Variants in LRRTM4 observed in about 807,000 individuals in gnomAD.
LRRTM4 encodes leucine rich repeat transmembrane neuronal 4.
In LRRTM4, 25 loss-of-function variants were observed where a neutral mutation model predicts 47.6. That is an observed-to-expected ratio of 0.53 (90% confidence interval 0.38 to 0.73). LRRTM4 has a LOEUF of 0.73. Ranked by LOEUF, LRRTM4 falls within the 30% of genes least tolerant of loss-of-function variation. The probability of loss-of-function intolerance (pLI) is 0.00; values close to 1 mark genes in which losing one functional copy is unlikely to be tolerated. For synonymous variants in LRRTM4, 311 were observed against 269.5 expected, an observed-to-expected ratio of 1.15 and a Z score of -1.51; for missense variants, 638 against 713.4, an observed-to-expected ratio of 0.89 and a Z score of 1.20.
chr2:76,870,760 T>C (rs890561140), intron 3 of LRRTM4, among the ~76,000 whole-genome samples: 16 of 152,190 alleles, frequency 1.1e-4, no homozygotes, highest in African/African-American at 3.9e-4. Context: ...CAATATTATT[T>C]GTAATGCCAT....
intron 3 of LRRTM4, among the ~76,000 whole-genome samples, chr2:77,033,195 A>G (rs1229743739): frequency 6.6e-6 from 1 of 152,050 alleles, no homozygotes. Flanking sequence ...ATTGTAATCT[A>G]TTCAGTATTT....
At chr2:76,805,561 C>G (rs1558665915) in intron 3 of LRRTM4, among the ~76,000 whole-genome samples, 1 of 152,076 alleles carries the variant, frequency 6.6e-6, no homozygotes, top group Non-Finnish European at 1.5e-5. Flanking sequence ...ATTAAATTCT[C>G]CTTCTACCAG....
intron 3 of LRRTM4, among the ~76,000 whole-genome samples, chr2:77,392,820 A>G (rs1673555011): frequency 6.6e-6 from 1 of 152,054 alleles, no homozygotes; most frequent in African/African-American, 2.4e-5. Context: ...GACTAATAGC[A>G]TAGCTAATAA....
chr2:76,969,844 G>A (rs1676158965), intron 3 of LRRTM4, among the ~76,000 whole-genome samples: 1 of 151,998 alleles, frequency 6.6e-6, no homozygotes, highest in East Asian at 1.9e-4. Flanking sequence ...TTTTCTTAGG[G>A]AGAAAATAAA....
rs191742935 is a variant in LRRTM4 at position 77,345,619 on chromosome 2, A to G, written c.1551+172699T>C. On this transcript the variant is annotated intron_variant, in intron 3 of 3. Transcript: ENST00000409884. ...AATGACATACTACTGTTATACATGTAGTAGGATGAAACAACAACAATCACC... is the reference window on the plus strand; with the variant it reads ...AATGACATACTACTGTTATACATGTGGTAGGATGAAACAACAACAATCACC... Among the ~76,000 whole-genome samples the G allele has an allele frequency of 1.3e-4, 20 of 152,162 alleles. 1 individual carries two copies. In the East Asian group the frequency reaches 3.7e-3, roughly 28 times the overall value.
chr2:77,470,790 C>T (rs970681693), intron 3 of LRRTM4, among the ~76,000 whole-genome samples: 1 of 152,114 alleles, frequency 6.6e-6, no homozygotes, highest in Non-Finnish European at 1.5e-5. Flanking sequence ...CTGCACCTTT[C>T]CATTTAGATT....
At chr2:77,141,782 C>CCA (rs1672130196) in intron 3 of LRRTM4, among the ~76,000 whole-genome samples, 1 of 152,080 alleles carries the variant, frequency 6.6e-6, no homozygotes, top group South Asian at 2.1e-4. Context: ...TTTTTGACCA[C>CCA]TATATATATC....
At chr2:76,824,604 T>G (rs766290671) in intron 3 of LRRTM4, among the ~76,000 whole-genome samples, 1 of 148,240 alleles carries the variant, frequency 6.7e-6, no homozygotes, top group African/African-American at 2.6e-5. Flanking sequence ...AGAATCTCAT[T>G]AGGGCCTTAA....
At chr2:76,891,860 A>G (rs894987191) in intron 3 of LRRTM4, among the ~76,000 whole-genome samples, 17 of 151,748 alleles carry the variant, frequency 1.1e-4, no homozygotes, top group African/African-American at 3.9e-4. Flanking sequence ...AAGATTCATT[A>G]ATTTGACAAA....
At chr2:76,779,590 C>T (rs1386008027) in intron 3 of LRRTM4, among the ~76,000 whole-genome samples, 10 of 147,368 alleles carry the variant, frequency 6.8e-5, no homozygotes, top group African/African-American at 2.5e-4. Flanking sequence ...CAACCCCTGC[C>T]TTTTTTTGTT....
At chr2:77,125,936 G>GTA (rs764932030) in intron 3 of LRRTM4, among the ~76,000 whole-genome samples, 26 of 148,826 alleles carry the variant, frequency 1.7e-4, no homozygotes, top group African/African-American at 3.4e-4. Flanking sequence ...CTATGTATGT[G>GTA]TATATATATA....
At chr2:77,116,975 C>T (rs904371577) in intron 3 of LRRTM4, among the ~76,000 whole-genome samples, 1 of 151,760 alleles carries the variant, frequency 6.6e-6, no homozygotes, top group Admixed American at 6.6e-5. Context: ...ATGCACACAT[C>T]CCTGCCCCAG....
rs147169657 is a variant in LRRTM4, at chr2:77,072,069, T to A, written c.1552-323153A>T. Among the ~76,000 whole-genome samples, 114 of 152,280 alleles carry A rather than the reference T, an allele frequency of 7.5e-4. 1 individual carries two copies. Among genetic ancestry groups the A allele is most frequent in the Non-Finnish European group, 1.2e-3 (80 of 68,028 alleles). On this transcript the variant is annotated intron_variant, in intron 3 of 3. Transcript: ENST00000409884. ...TTTTGACTAATTTGAAAATATACATTATTAATACATTTTTATATATACATT... is the reference window on the plus strand; with the variant it reads ...TTTTGACTAATTTGAAAATATACATAATTAATACATTTTTATATATACATT...
chr2:77,051,299 A>G (rs1240002464), intron 3 of LRRTM4, among the ~76,000 whole-genome samples: 1 of 152,158 alleles, frequency 6.6e-6, no homozygotes, highest in Non-Finnish European at 1.5e-5. Flanking sequence ...ATGAGAAACT[A>G]AAGAATTACT....
chr2:77,036,070 T>A (rs1020870701), intron 3 of LRRTM4, among the ~76,000 whole-genome samples: 2 of 151,784 alleles, frequency 1.3e-5, no homozygotes, highest in Admixed American at 6.6e-5. Flanking sequence ...AGCTAAAGAA[T>A]ACAAATTGAT....
At chr2:77,200,048 A>T (rs913389450) in intron 3 of LRRTM4, among the ~76,000 whole-genome samples, 2 of 152,062 alleles carry the variant, frequency 1.3e-5, no homozygotes, top group Admixed American at 1.3e-4. Context: ...AAAGTTAAAC[A>T]TGTGTTTTAG....
chr2:77,350,581 T>A (rs1671730268), intron 3 of LRRTM4, among the ~76,000 whole-genome samples: 3 of 151,950 alleles, frequency 2.0e-5, no homozygotes, highest in African/African-American at 7.3e-5. Flanking sequence ...ATAAAACTAA[T>A]TAAAAACCAT....
chr2:76,955,494 G>A (rs925354789), intron 3 of LRRTM4, among the ~76,000 whole-genome samples: 1 of 151,752 alleles, frequency 6.6e-6, no homozygotes, highest in African/African-American at 2.4e-5. Flanking sequence ...ATCAAAGTAT[G>A]TCACTACTAA....
chr2:77,224,090 A>G (rs991754593), intron 3 of LRRTM4, among the ~76,000 whole-genome samples: 2 of 151,542 alleles, frequency 1.3e-5, no homozygotes, highest in Non-Finnish European at 2.9e-5. Flanking sequence ...GACAAACCTG[A>G]GAAAAACAAG....
Sources: allele counts gnomAD v4.1 joint callset (sites outside exome capture counted in the v4.1 genomes callset), GRCh38; gene constraint gnomAD v4.1.1; transcripts MANE v1.5; gene names NCBI Gene and HGNC (gene_info 2026-07-23, HGNC 2026-07-21).